Variants in CTNNA2 observed in about 807,000 individuals in gnomAD.
The protein encoded by CTNNA2 is catenin alpha-2.
Under a neutral mutation model 101.0 loss-of-function variants are expected in CTNNA2, and 42 were observed. That is an observed-to-expected ratio of 0.42 (90% confidence interval 0.32 to 0.54). CTNNA2 has a LOEUF of 0.54. Ranked by LOEUF, CTNNA2 falls within the 20% of genes least tolerant of loss-of-function variation. The pLI is 0.14. For synonymous variants in CTNNA2, 450 were observed against 456.4 expected, an observed-to-expected ratio of 0.99 and a Z score of 0.18; for missense variants, 871 against 1,223.1, an observed-to-expected ratio of 0.71 and a Z score of 4.29.
At chr2:79,844,952 T>C (rs1358230626) in intron 3 of CTNNA2, among the ~76,000 whole-genome samples, 2 of 115,664 alleles carry the variant, frequency 1.7e-5, no homozygotes, top group Non-Finnish European at 3.7e-5. Flanking sequence ...AAAGCTGCCA[T>C]GGGAGGGATA....
intron 3 of CTNNA2, among the ~76,000 whole-genome samples, chr2:79,768,689 G>A (rs111354854): frequency 1.3e-5 from 2 of 151,998 alleles, no homozygotes; most frequent in East Asian, 3.9e-4. Flanking sequence ...TTAATGTTTA[G>A]GAGACAATAT....
intron 7 of CTNNA2, among the ~76,000 whole-genome samples, chr2:80,116,488 GTGTGCA>G (rs796077006): frequency 1.8e-4 from 28 of 152,028 alleles, no homozygotes; most frequent in African/African-American, 6.5e-4. Context: ...GTATATGTTT[GTGTGCA>G]TATGCATATG....
chr2:80,422,903 A>AT (rs1255423781), intron 9 of CTNNA2, among the ~76,000 whole-genome samples: 2 of 151,494 alleles, frequency 1.3e-5, no homozygotes, highest in Non-Finnish European at 2.9e-5. Flanking sequence ...TGACTATTTA[A>AT]TTTTTTTAAA....
At chr2:79,322,939 T>C (rs1404314426) in intron 3 of CTNNA2, among the ~76,000 whole-genome samples, 2 of 152,228 alleles carry the variant, frequency 1.3e-5, no homozygotes, top group African/African-American at 4.8e-5. Flanking sequence ...GAGAGAAGTT[T>C]CCAAGTTTCT....
intron 7 of CTNNA2, among the ~76,000 whole-genome samples, chr2:79,958,269 G>A (rs966601234): frequency 3.9e-5 from 6 of 152,094 alleles, no homozygotes; most frequent in African/African-American, 1.2e-4. Context: ...AGATGTCCAT[G>A]CCCTAATATC....
chr2:80,169,439 G>A (rs747669277), intron 7 of CTNNA2, among the ~76,000 whole-genome samples: 20 of 152,142 alleles, frequency 1.3e-4, no homozygotes, highest in Non-Finnish European at 2.4e-4. Context: ...AAAGGTATAC[G>A]TGTTACAAAA....
intron 4 of CTNNA2, among the ~76,000 whole-genome samples, chr2:79,474,332 C>G (rs1264910894): frequency 6.6e-6 from 1 of 152,106 alleles, no homozygotes; most frequent in Non-Finnish European, 1.5e-5. Context: ...AAGGAATGAA[C>G]TATTGACAAA....
intron 2 of CTNNA2, among the ~76,000 whole-genome samples, chr2:79,690,458 G>C (rs1176543685): frequency 6.6e-6 from 1 of 152,012 alleles, no homozygotes; most frequent in Non-Finnish European, 1.5e-5. Flanking sequence ...TCCCTGCAAA[G>C]GACATGAACT....
chr2:80,125,309 C>T (rs186702003), intron 7 of CTNNA2, among the ~76,000 whole-genome samples: 9 of 152,256 alleles, frequency 5.9e-5, no homozygotes, highest in East Asian at 1.9e-4. Context: ...TCCACTGCAC[C>T]GTGGAGCCTT....
chr2:79,212,333 G>A (rs936796190), intron 2 of CTNNA2, among the ~76,000 whole-genome samples: 3 of 152,112 alleles, frequency 2.0e-5, no homozygotes, highest in Admixed American at 6.5e-5. Flanking sequence ...AAGTTGGTCT[G>A]GTGTCTGGAA....
chr2:80,195,434 A>G (rs1199572280), intron 7 of CTNNA2, among the ~76,000 whole-genome samples: 1 of 152,162 alleles, frequency 6.6e-6, no homozygotes, highest in African/African-American at 2.4e-5. Context: ...GAAAGGTAAA[A>G]TAAACAATTC....
At chr2:80,260,159 A>G (rs1021704907) in intron 7 of CTNNA2, among the ~76,000 whole-genome samples, 7 of 152,210 alleles carry the variant, frequency 4.6e-5, no homozygotes, top group Non-Finnish European at 1.0e-4. Flanking sequence ...TGGCAAATCC[A>G]GTATTGAAAT....
At chr2:79,960,458 A>G (rs894044290) in intron 7 of CTNNA2, among the ~76,000 whole-genome samples, 1 of 152,224 alleles carries the variant, frequency 6.6e-6, no homozygotes, top group Non-Finnish European at 1.5e-5. Flanking sequence ...CAAGCAAACA[A>G]TATTATAGTG....
intron 7 of CTNNA2, among the ~76,000 whole-genome samples, chr2:79,929,358 T>G (rs981600923): frequency 6.6e-6 from 1 of 152,190 alleles, no homozygotes; most frequent in Admixed American, 6.5e-5. Context: ...TAAAGAACTC[T>G]TTTGTAAAAG....
intron 7 of CTNNA2, among the ~76,000 whole-genome samples, chr2:80,043,148 TCC>T (rs1475170318): frequency 3.8e-4 from 26 of 68,924 alleles, no homozygotes; most frequent in African/African-American, 8.8e-4. Flanking sequence ...CTTCCTTCCT[TCC>T]TTCCTTCCTT....
intron 2 of CTNNA2, among the ~76,000 whole-genome samples, chr2:79,727,353 G>T (rs1300145619): frequency 6.6e-6 from 1 of 152,102 alleles, no homozygotes; most frequent in Non-Finnish European, 1.5e-5. Flanking sequence ...AGACAGCAGT[G>T]GTCCTCAGAT....
chr2:79,974,556 G>C (rs957541963), intron 7 of CTNNA2, among the ~76,000 whole-genome samples: 1 of 152,098 alleles, frequency 6.6e-6, no homozygotes, highest in Non-Finnish European at 1.5e-5. Context: ...TCATCCCTTA[G>C]CAGCATTCCT....
chr2:79,773,033 A>T (rs543457438), intron 3 of CTNNA2, among the ~76,000 whole-genome samples: 1 of 152,336 alleles, frequency 6.6e-6, no homozygotes, highest in South Asian at 2.1e-4. Context: ...TCTCTCCTAT[A>T]GGCCTTCCAT....
intron 7 of CTNNA2, among the ~76,000 whole-genome samples, chr2:79,926,673 T>G (rs1687040617): frequency 6.6e-6 from 1 of 151,994 alleles, no homozygotes; most frequent in African/African-American, 2.4e-5. Context: ...GGCTACTTGC[T>G]GACAAGGGTA....
Sources: allele counts gnomAD v4.1 joint callset (sites outside exome capture counted in the v4.1 genomes callset), GRCh38; gene constraint gnomAD v4.1.1; transcripts MANE v1.5; gene names NCBI Gene and HGNC (gene_info 2026-07-23, HGNC 2026-07-21).